NXN: variants seen among roughly 807,000 people sequenced by gnomAD.
The protein encoded by NXN is nucleoredoxin 1.
NXN carries 16 observed loss-of-function variants against 48.6 expected under a neutral mutation model. That is an observed-to-expected ratio of 0.33 (90% CI 0.22 to 0.50). The LOEUF is 0.50. Among genes scored for constraint, NXN ranks in the 20% least tolerant of loss-of-function variants. The pLI is 0.98. For missense variants in NXN, 492 were observed against 605.5 expected (o/e 0.81, Z 1.97); for synonymous variants, 281 against 269.6 (o/e 1.04, Z -0.41).
chr17:840,964 C>G (rs150460409), intron 1 of NXN, among the ~76,000 whole-genome samples: 1 of 152,212 alleles, frequency 6.6e-6, no homozygotes, highest in Non-Finnish European at 1.5e-5. Flanking sequence ...ACTCCTCCAC[C>G]GCACGGCGGC....
chr17:804,993 G>T, intron 6 of NXN, 75 bp downstream of exon 6: 6 of 1,456,342 alleles, frequency 4.1e-6, no homozygotes, highest in Non-Finnish European at 5.6e-6. Context: ...GGCAGGGACA[G>T]GCTCCTCCCA....
chr17:868,739 G>T (rs577906283), intron 1 of NXN, among the ~76,000 whole-genome samples: 2 of 152,064 alleles, frequency 1.3e-5, no homozygotes, highest in Non-Finnish European at 2.9e-5. Flanking sequence ...TGATCCGCCC[G>T]CCTCGGCCTC....
intron 1 of NXN, among the ~76,000 whole-genome samples, chr17:850,600 G>T (rs1329386567): frequency 6.6e-6 from 1 of 152,108 alleles, no homozygotes; most frequent in Non-Finnish European, 1.5e-5. Context: ...GGGCTGGGGG[G>T]CACCCAGTTT....
chr17:803,713 T>G lies in NXN; in HGVS notation c.1094A>C (p.Glu365Ala). The change falls in exon 7 of 8, where the codon GAG becomes GCG. Residue 365 changes from glutamate to alanine, a missense_variant. Around this residue, in one of 3 missense-constraint regions of NXN, gnomAD observed 303 missense variants for 388.3 expected, o/e 0.78. Transcript: ENST00000336868. ...GGCTACGAAGAACAGAAGGGGTGCC[T>G]CCTCCTCTTTGGCTTTGTACTTGGC... ...IIAKYKAKEE[E>A]APLLFFVAGE... is the part of the protein sequence containing the mutation. 1 of 1,614,204 alleles carries G rather than the reference T, an allele frequency of 6.2e-7. No individual in the cohort carries two copies. The highest frequency in any genetic ancestry group is 2.2e-5 in the East Asian group (1 of 44,880).
intron 1 of NXN, among the ~76,000 whole-genome samples, chr17:842,066 G>A (rs1448128507): frequency 1.3e-5 from 2 of 152,102 alleles, no homozygotes; most frequent in Admixed American, 1.3e-4. Context: ...AACCTGGGAG[G>A]CAGAGGTTGC....
Position 823,738 on chromosome 17 carries a change from G to A in NXN, c.506C>T (p.Pro169Leu). 3 of 1,614,110 alleles carry A rather than the reference G, an allele frequency of 1.9e-6. No homozygotes were observed. Among genetic ancestry groups the A allele is most frequent in the Non-Finnish European group, 2.5e-6 (3 of 1,180,026 alleles). The change falls in exon 3 of 8, where the codon CCC (proline) becomes CTC (leucine). Residue 169 changes from proline to leucine, a missense_variant. By Grantham distance (98) the Pro-to-Leu change is moderately conservative (BLOSUM62 -3). Around this residue, in one of 3 missense-constraint regions of NXN, gnomAD observed 303 missense variants for 388.3 expected, o/e 0.78. Coordinates refer to ENST00000336868, the MANE Select transcript of NXN (RefSeq NM_022463.5). ...EGLEFPWGPK[P>L]FREVIAGPLL... ...GGGCCCTGCAATGACTTCCCTGAAG[G>A]GTTTCGGTCCCCAGGGGAACTCCAG...
intron 1 of NXN, chr17:959,369 G>T: frequency 4.3e-6 from 1 of 234,594 alleles, no homozygotes; most frequent in Non-Finnish European, 8.3e-6. Context: ...TCGCGCAGAG[G>T]CTGCCTGCCC....
intron 1 of NXN, among the ~76,000 whole-genome samples, chr17:942,665 T>C (rs1454789135): frequency 4.3e-5 from 5 of 116,462 alleles, no homozygotes; most frequent in African/African-American, 1.9e-4. Flanking sequence ...CCTTCCTGGA[T>C]TTACAGCGAA....
intron 1 of NXN, among the ~76,000 whole-genome samples, chr17:955,663 G>A (rs1220875155): frequency 2.7e-5 from 4 of 150,548 alleles, no homozygotes; most frequent in East Asian, 4.0e-4. Flanking sequence ...TCGGGAGGCC[G>A]AGGCGGGCGG....
intron 1 of NXN, among the ~76,000 whole-genome samples, chr17:866,209 C>A (rs1022593477): frequency 1.8e-4 from 27 of 151,786 alleles, no homozygotes; most frequent in Non-Finnish European, 3.1e-4. Flanking sequence ...TTAAATCAGA[C>A]GTTTCTTTTG....
intron 2 of NXN, among the ~76,000 whole-genome samples, chr17:824,510 AC>A (rs1912992385): frequency 6.6e-6 from 1 of 152,118 alleles, no homozygotes. Context: ...TCAACCCGAT[AC>A]CCGGGATTGT....
chr17:873,493 CAAAAAA>C (rs71145783), intron 1 of NXN, among the ~76,000 whole-genome samples: 1 of 74,982 alleles, frequency 1.3e-5, no homozygotes, highest in African/African-American at 4.9e-5. Flanking sequence ...ACACTGTCTC[CAAAAAA>C]AAAAAAAAAA....
At chr17:969,516 C>A (rs1336705623) in intron 1 of NXN, among the ~76,000 whole-genome samples, 1 of 152,218 alleles carries the variant, frequency 6.6e-6, no homozygotes, top group Non-Finnish European at 1.5e-5. Flanking sequence ...CTCACAGCTA[C>A]ATTCACGCCT....
intron 1 of NXN, chr17:959,467 G>A (rs139158622): frequency 1.8e-4 from 32 of 176,700 alleles, no homozygotes; most frequent in African/African-American, 5.8e-4. Flanking sequence ...CAGCCTCACC[G>A]GCCCAATAAA....
intron 5 of NXN, among the ~76,000 whole-genome samples, chr17:809,916 G>C (rs78217253): frequency 0.16 from 19,404 of 121,684 alleles, 2,845 homozygotes; most frequent in East Asian, 0.26. Context: ...TGCCGTGCAC[G>C]TTAAGAGTCC....
intron 1 of NXN, among the ~76,000 whole-genome samples, chr17:975,989 T>C (rs1386729787): frequency 1.3e-5 from 2 of 152,216 alleles, no homozygotes; most frequent in Non-Finnish European, 2.9e-5. Flanking sequence ...GCTGATGAAA[T>C]TGTTATAAAT....
intron 1 of NXN, among the ~76,000 whole-genome samples, chr17:879,057 C>T (rs1223704097): frequency 1.3e-5 from 2 of 151,680 alleles, no homozygotes; most frequent in Admixed American, 6.6e-5. Flanking sequence ...CCCAGCTACT[C>T]GGGAGGCTGA....
At position 917,676 on chromosome 17, in the gene NXN, C is replaced by T. The variant is rs544428314; in HGVS notation, c.360+61643G>A. ...TCAACCCAATGTAGGCCACCCGCTG[C>T]AGGCGAGCTTCCCTACCCAATCCGA... On this transcript the variant is annotated intron_variant, in intron 1 of 7. Transcript: ENST00000336868. The surrounding 1 kb of genome is among the most constrained non-coding windows in gnomAD (Gnocchi z 4.5). Among the ~76,000 whole-genome samples the T allele has an allele frequency of 6.6e-6, 1 of 152,360 alleles. No homozygotes were observed. The highest frequency in any genetic ancestry group is 2.4e-5 in the African/African-American group (1 of 41,598).
chr17:852,993 T>C (rs1438185812), intron 1 of NXN, among the ~76,000 whole-genome samples: 2 of 152,014 alleles, frequency 1.3e-5, no homozygotes, highest in Non-Finnish European at 2.9e-5. Flanking sequence ...TCTTTTTTTT[T>C]TTGAGACAGA....
Sources: allele counts gnomAD v4.1 joint callset (sites outside exome capture counted in the v4.1 genomes callset), GRCh38; gene constraint gnomAD v4.1.1; regional missense constraint gnomAD v4.1.1; non-coding constraint Gnocchi (gnomAD v3.1); transcripts MANE v1.5; gene names NCBI Gene and HGNC (gene_info 2026-07-23, HGNC 2026-07-21).